Variants in AFF4 observed in about 807,000 individuals in gnomAD.
AFF4 encodes the protein ALF transcription elongation factor 4.
A neutral mutation model predicts 124.8 loss-of-function variants in AFF4; 13 were observed. The observed-to-expected ratio is 0.10, with a 90% CI of 0.07 to 0.17. The LOEUF is 0.17. AFF4 is among the 10% of genes least tolerant of loss of function. AFF4 has a pLI of 1.00. For missense variants in AFF4, 1,092 were observed against 1,403.8 expected, an observed-to-expected ratio of 0.78 and a Z score of 3.55; for synonymous variants, 477 against 496.1, an observed-to-expected ratio of 0.96 and a Z score of 0.51.
intron 19 of AFF4, 40 bp downstream of exon 19, chr5:132,885,036 A>G: frequency 6.6e-7 from 1 of 1,514,794 alleles, no homozygotes; most frequent in Middle Eastern, 1.7e-4. Flanking sequence ...TTTCACTTTT[A>G]TTGCCACAAT....
Position 132,937,079 on chromosome 5 carries a change from C to T in AFF4, c.111G>A (p.Glu37=). ...AFPPSSPLFA[E]PYKVTSKEDK... is the part of the protein sequence containing the mutation. ...AAGGGCAACTTACAACTTTGTATGG[C>T]TCTGCAAAGAGAGGAGAGCTAGGTG... The change falls in exon 2 of 21, where the codon GAG becomes GAA. Residue 37 remains glutamate, a synonymous_variant. Coordinates refer to ENST00000265343, the MANE Select transcript of AFF4 (RefSeq NM_014423.4). 6.2e-7 allele frequency: 1 copy of T among 1,612,910 alleles called. No homozygotes were observed.
chr5:132,898,859 ATGAG>A (rs1293314145), intron 9 of AFF4, among the ~76,000 whole-genome samples: 1 of 152,228 alleles, frequency 6.6e-6, no homozygotes, highest in Non-Finnish European at 1.5e-5. Context: ...TGTAAATGAA[ATGAG>A]TAATTCTTTT....
Position 132,876,062 on chromosome 5 carries a change from C to T in AFF4, c.*4997G>A. 4.4e-6 allele frequency: 1 copy of T among 226,194 alleles called. No individual in the cohort carries two copies. Among genetic ancestry groups the T allele is most frequent in the East Asian group, 6.4e-5 (1 of 15,654 alleles). The allele number at this position is 226,194 out of a possible 1,614,324, so 14.0% of individuals were successfully genotyped here. On this transcript the variant is annotated 3_prime_UTR_variant, in exon 21 of 21. Transcript: ENST00000265343. ...TATAAGCATTTCCATCCTCCATATACAAAATTTCTTAAAACCATTCAAAAC... is the reference window on the plus strand; with the variant it reads ...TATAAGCATTTCCATCCTCCATATATAAAATTTCTTAAAACCATTCAAAAC...
chr5:132,952,723 G>A (rs1046391837), intron 1 of AFF4, among the ~76,000 whole-genome samples: 5 of 152,084 alleles, frequency 3.3e-5, no homozygotes, highest in South Asian at 2.1e-4. Context: ...GCGAAACTCC[G>A]TCTCTGCTAA....
In AFF4 at chr5:132,885,116, A is replaced by G; in HGVS notation, c.3103T>C (p.Ser1035Pro). 1 of 1,594,586 alleles carries G rather than the reference A, an allele frequency of 6.3e-7. No homozygotes were observed. The highest frequency in any genetic ancestry group is 8.5e-7 in the Non-Finnish European group (1 of 1,171,360). Reference sequence around the variant, plus strand: ...GATGGTGCTTGAGAATTATTATAAGAATTCTGTGGAAAAAGTAAAATGTAC... The same window carrying G: ...GATGGTGCTTGAGAATTATTATAAGGATTCTGTGGAAAAAGTAAAATGTAC... The part of the protein sequence containing the change: ...SKTLTEHLKN[S>P]YNNSQAPSPG... The change falls in exon 19 of 21, where the codon TCT (serine) becomes CCT (proline). Residue 1035 changes from serine to proline, a missense_variant. Ser to Pro is a moderately conservative substitution (Grantham distance 74). Around this residue, in one of 11 missense-constraint regions of AFF4, gnomAD observed 173 missense variants for 294.9 expected, o/e 0.59. Transcript: ENST00000265343.
chr5:132,886,171 C>CA (rs1321757041), intron 18 of AFF4, 139 bp downstream of exon 18: 11 of 711,398 alleles, frequency 1.5e-5, no homozygotes, highest in Non-Finnish European at 2.1e-5. Flanking sequence ...AAAGAAACCT[C>CA]AAACTTATTT....
In AFF4 at chr5:132,886,315, G is replaced by A; in HGVS notation, c.3094C>T (p.Leu1032=). Residue 1032 remains leucine, a synonymous_variant, in exon 18 of 21, where the codon CTG becomes TTG. Transcript: ENST00000265343. ...LKYSKTLTEH[L]KNSYNNSQAP... ...TTGTGCTTTTGCATACTTACCTTCA[G>A]GTGCTCTGTCAGTGTCTTTGAGTAC... The A allele has an allele frequency of 2.5e-6, 4 of 1,613,590 alleles. No individual in the cohort carries two copies. The highest frequency in any genetic ancestry group is 2.2e-5 in the South Asian group (2 of 91,020).
intron 3 of AFF4, among the ~76,000 whole-genome samples, chr5:132,933,538 A>G (rs1245459032): frequency 2.6e-5 from 4 of 152,028 alleles, no homozygotes; most frequent in African/African-American, 9.7e-5. Flanking sequence ...TGAGACACCC[A>G]TCTTGAAAAA....
intron 2 of AFF4, among the ~76,000 whole-genome samples, chr5:132,936,266 CAAAA>C (rs747936348): frequency 8.8e-5 from 4 of 45,460 alleles, no homozygotes; most frequent in Non-Finnish European, 1.6e-4. Context: ...GACTCCGTCT[CAAAA>C]AAAAAAAAAA....
intron 16 of AFF4, 44 bp downstream of exon 16, chr5:132,887,802 G>A: frequency 6.2e-7 from 1 of 1,605,998 alleles, no homozygotes; most frequent in South Asian, 1.1e-5. Context: ...ATGGACCAGA[G>A]AAATAATGTT....
intron 5 of AFF4, among the ~76,000 whole-genome samples, chr5:132,923,371 GGAGAGAGAGAGA>G (rs72156570): frequency 2.7e-5 from 4 of 148,362 alleles, no homozygotes; most frequent in Non-Finnish European, 4.5e-5. Context: ...AGGAAAGAAA[GGAGAGAGAGAGA>G]GAGAGAGAGA....
chr5:132,882,820 C>T (rs1235357420), intron 20 of AFF4, among the ~76,000 whole-genome samples: 1 of 147,724 alleles, frequency 6.8e-6, no homozygotes, highest in African/African-American at 2.5e-5. Flanking sequence ...TGCCACTGTG[C>T]TCCAGCCTGG....
intron 6 of AFF4, chr5:132,904,149 C>T (rs1345343757): frequency 6.4e-6 from 3 of 465,614 alleles, no homozygotes; most frequent in South Asian, 2.5e-5. Flanking sequence ...CCCAGCTACT[C>T]AGTAGGCTGA....
At chr5:132,885,830 G>A (rs1190179824) in intron 18 of AFF4, among the ~76,000 whole-genome samples, 5 of 152,186 alleles carry the variant, frequency 3.3e-5, no homozygotes, top group Non-Finnish European at 4.4e-5. Flanking sequence ...CTGGAGTGCA[G>A]TGGCATGACC....
chr5:132,892,383 T>C lies in AFF4; in HGVS notation c.2418A>G (p.Ala806=), dbSNP rs1305126881. 4 of 1,613,398 alleles carry C rather than the reference T, an allele frequency of 2.5e-6. No individual in the cohort carries two copies. The highest frequency in any genetic ancestry group is 3.4e-6 in the Non-Finnish European group (4 of 1,179,458). ...SNRESSKQSA[A]KEKDLLPSPA... The stretch of plus-strand genomic sequence containing the variant: ...GAGAAGGCAACAAATCCTTTTCTTT[T>C]GCAGCACTCTGCTTAGATGACCTGC... The change falls in exon 13 of 21, where the codon GCA becomes GCG. Residue 806 remains alanine, a synonymous_variant. Coordinates refer to ENST00000265343, the MANE Select transcript of AFF4 (RefSeq NM_014423.4).
In AFF4 at chr5:132,904,941, C is replaced by T. The variant is rs187205759; in HGVS notation, c.1051-537G>A. On this transcript the variant is annotated intron_variant, in intron 5 of 20. Coordinates refer to ENST00000265343, the MANE Select transcript of AFF4 (RefSeq NM_014423.4). Reference sequence around the variant, plus strand: ...GCGTGCACCTGTAGTCCCAGCTACTCGGGAGGCTGAGGCAGGAGAATCACT... The same window carrying T: ...GCGTGCACCTGTAGTCCCAGCTACTTGGGAGGCTGAGGCAGGAGAATCACT... Among the ~76,000 whole-genome samples the T allele has an allele frequency of 4.9e-3, 742 of 150,340 alleles. 3 individuals are homozygous for T. Among genetic ancestry groups the T allele is most frequent in the African/African-American group, 0.018 (721 of 40,906 alleles).
chr5:132,915,334 G>A (rs547752463), intron 5 of AFF4, among the ~76,000 whole-genome samples: 179 of 151,128 alleles, frequency 1.2e-3, no homozygotes, highest in African/African-American at 4.2e-3. Context: ...GAGCAAGACT[G>A]TCTCAAAAGA....
intron 1 of AFF4, among the ~76,000 whole-genome samples, chr5:132,959,243 A>G (rs896258659): frequency 1.3e-5 from 2 of 151,568 alleles, no homozygotes; most frequent in African/African-American, 4.8e-5. Context: ...CTCCTGCCTC[A>G]GCCTCCCAAG....
Position 132,938,674 on chromosome 5 carries a change from C to T in AFF4, c.-4-1481G>A, listed in dbSNP as rs1177957650. 4.6e-5 allele frequency among the ~76,000 whole-genome samples: 7 copies of T among 151,776 alleles called. No individual in the cohort carries two copies. The East Asian group carries it at 5.8e-4, about 13-fold the overall frequency. ...AATAAAAGCAATTTAACGGCCTGAG[C>T]GGCTCACGCCTGTAAACCCAGCACT... On this transcript the variant is annotated intron_variant, in intron 1 of 20. Transcript: ENST00000265343.
Sources: allele counts gnomAD v4.1 joint callset (sites outside exome capture counted in the v4.1 genomes callset), GRCh38; gene constraint gnomAD v4.1.1; regional missense constraint gnomAD v4.1.1; transcripts MANE v1.5; gene names NCBI Gene and HGNC (gene_info 2026-07-23, HGNC 2026-07-21).